Variants in FAR2 observed in about 807,000 individuals in gnomAD.
FAR2 encodes the protein epididymis secretory protein Li 81.
In FAR2, 19 loss-of-function variants were observed where a neutral mutation model predicts 56.0. The ratio of observed to expected loss-of-function variants is 0.34; its 90% CI spans 0.24 to 0.50. FAR2 has a LOEUF of 0.50. Ranked by LOEUF, FAR2 falls within the 20% of genes least tolerant of loss-of-function variation. FAR2 has a pLI of 0.98. For synonymous variants in FAR2, 219 were observed against 218.8 expected (o/e 1.00, Z -0.01); for missense variants, 508 against 642.2 (o/e 0.79, Z 2.26).
chr12:29,173,257 A>G (rs142841333), intron 1 of FAR2, among the ~76,000 whole-genome samples: 4 of 152,278 alleles, frequency 2.6e-5, no homozygotes, highest in African/African-American at 9.6e-5. Flanking sequence ...TGAAGGGAAC[A>G]TAACCGATAG....
intron 1 of FAR2, among the ~76,000 whole-genome samples, chr12:29,244,909 C>G (rs1948100982): frequency 6.6e-6 from 1 of 152,000 alleles, no homozygotes. Context: ...CATTGTCCTT[C>G]CAGTGTTTCT....
chr12:29,206,341 T>C (rs1378868757), intron 1 of FAR2, among the ~76,000 whole-genome samples: 1 of 152,258 alleles, frequency 6.6e-6, no homozygotes, highest in Non-Finnish European at 1.5e-5. Flanking sequence ...GTTTACCTGA[T>C]ACAAATACTT....
intron 1 of FAR2, among the ~76,000 whole-genome samples, chr12:29,242,505 C>G (rs1948054176): frequency 6.6e-6 from 1 of 152,226 alleles, no homozygotes; most frequent in African/African-American, 2.4e-5. Context: ...GTACAGAGAA[C>G]TGTTTCCCCA....
rs1004936725 is a variant in FAR2 at position 29,321,783 on chromosome 12, T to C, written c.1128-12T>C. ...TGCGCTGATATTTACTCCTATCTGA[T>C]GGTTATCTCAGGATGACAAAGCTCA... On this transcript the variant is annotated splice_polypyrimidine_tract_variant and intron_variant, in intron 9 of 11. Transcript: ENST00000536681. 2 of 1,612,258 alleles carry C rather than the reference T, an allele frequency of 1.2e-6. No individual in the cohort carries two copies. The highest frequency in any genetic ancestry group is 1.7e-6 in the Non-Finnish European group (2 of 1,178,858).
chr12:29,182,495 G>A (rs1421886463), intron 1 of FAR2, among the ~76,000 whole-genome samples: 1 of 152,044 alleles, frequency 6.6e-6, no homozygotes, highest in African/African-American at 2.4e-5. Flanking sequence ...CAATCCTTTA[G>A]CTAGACACAG....
chr12:29,190,066 G>T (rs1373778690), intron 1 of FAR2, among the ~76,000 whole-genome samples: 6 of 152,198 alleles, frequency 3.9e-5, no homozygotes, highest in African/African-American at 9.7e-5. Flanking sequence ...GCCATTTGCT[G>T]AGGTGGGGAA....
At chr12:29,258,630 C>T (rs1466657641) in intron 1 of FAR2, among the ~76,000 whole-genome samples, 1 of 152,156 alleles carries the variant, frequency 6.6e-6, no homozygotes. Flanking sequence ...TGTCTCTCAA[C>T]ACACAGTATT....
chr12:29,256,483 A>C (rs778297179), intron 1 of FAR2, among the ~76,000 whole-genome samples: 1 of 152,320 alleles, frequency 6.6e-6, no homozygotes, highest in Admixed American at 6.5e-5. Context: ...GCCTGCTGGC[A>C]GTCCTCACAG....
At chr12:29,319,256 G>T (rs928592200) in intron 9 of FAR2, among the ~76,000 whole-genome samples, 1 of 152,150 alleles carries the variant, frequency 6.6e-6, no homozygotes, top group Non-Finnish European at 1.5e-5. Flanking sequence ...CTCCCAAAGT[G>T]CTGGGATTAC....
At chr12:29,259,059 T>C (rs911580205) in intron 1 of FAR2, among the ~76,000 whole-genome samples, 2 of 152,240 alleles carry the variant, frequency 1.3e-5, no homozygotes, top group Admixed American at 1.3e-4. Context: ...CTTAGCTTCA[T>C]AGGCAGAAAT....
intron 1 of FAR2, among the ~76,000 whole-genome samples, chr12:29,237,534 A>G (rs1947960285): frequency 6.6e-6 from 1 of 152,232 alleles, no homozygotes; most frequent in South Asian, 2.1e-4. Flanking sequence ...GAAAGTATGT[A>G]TTAAGAACTG....
intron 1 of FAR2, among the ~76,000 whole-genome samples, chr12:29,267,782 A>T (rs1948543559): frequency 6.6e-6 from 1 of 152,246 alleles, no homozygotes; most frequent in Non-Finnish European, 1.5e-5. Flanking sequence ...AGCTAATGTG[A>T]TTTGAAATCC....
At chr12:29,314,455 A>C (rs1325566395) in intron 8 of FAR2, among the ~76,000 whole-genome samples, 3 of 146,044 alleles carry the variant, frequency 2.1e-5, no homozygotes, top group Non-Finnish European at 4.5e-5. Context: ...TTTATCTGTC[A>C]ATGAGAATAA....
intron 2 of FAR2, among the ~76,000 whole-genome samples, chr12:29,279,831 C>T (rs912602691): frequency 6.6e-6 from 1 of 152,004 alleles, no homozygotes; most frequent in Non-Finnish European, 1.5e-5. Flanking sequence ...TTTTATTATT[C>T]ATAAACTGTA....
At chr12:29,223,236 G>A (rs368088466) in intron 1 of FAR2, among the ~76,000 whole-genome samples, 2 of 152,102 alleles carry the variant, frequency 1.3e-5, no homozygotes, top group African/African-American at 4.8e-5. Context: ...GTTTGTGATT[G>A]GAACCTAGCA....
Position 29,307,757 on chromosome 12 carries a change from G to A in FAR2, c.645G>A (p.Val215=), listed in dbSNP as rs1248645751. The A allele has an allele frequency of 6.2e-7, 1 of 1,613,714 alleles. No homozygotes were observed. Among genetic ancestry groups the A allele is most frequent in the East Asian group, 2.2e-5 (1 of 44,880 alleles). The change falls in exon 5 of 12, where the codon GTG becomes GTA. Residue 215 remains valine, a synonymous_variant. Coordinates refer to ENST00000536681, the MANE Select transcript of FAR2 (RefSeq NM_001271783.2). ...CCAAGGCCTTGGGAGAAATGGTGGT[G>A]CAGCAAGAGAGCAGGAACCTGAACA... The part of the protein sequence containing the change: ...TYTKALGEMV[V]QQESRNLNIA...
chr12:29,178,086 ATAAAC>A (rs1381104214), intron 1 of FAR2, among the ~76,000 whole-genome samples: 1 of 152,194 alleles, frequency 6.6e-6, no homozygotes, highest in Non-Finnish European at 1.5e-5. Flanking sequence ...TACATGAAGA[ATAAAC>A]TAATGATTTT....
intron 1 of FAR2, among the ~76,000 whole-genome samples, chr12:29,188,911 A>T (rs1950072624): frequency 6.6e-6 from 1 of 151,812 alleles, no homozygotes; most frequent in Non-Finnish European, 1.5e-5. Context: ...TTGAAAGACT[A>T]CCCTAGAGGT....
intron 1 of FAR2, among the ~76,000 whole-genome samples, chr12:29,256,388 A>C (rs1457251392): frequency 6.6e-6 from 1 of 152,076 alleles, no homozygotes; most frequent in African/African-American, 2.4e-5. Flanking sequence ...GGGTCTCACT[A>C]TAATGCCTAG....
Sources: allele counts gnomAD v4.1 joint callset (sites outside exome capture counted in the v4.1 genomes callset), GRCh38; gene constraint gnomAD v4.1.1; transcripts MANE v1.5; gene names NCBI Gene and HGNC (gene_info 2026-07-23, HGNC 2026-07-21).